AOAH: variants seen among roughly 807,000 people sequenced by gnomAD.
The protein encoded by AOAH is acyloxyacyl hydrolase (neutrophil).
AOAH carries 64 observed loss-of-function variants against 92.2 expected under a neutral mutation model. The ratio of observed to expected loss-of-function variants is 0.69; its 90% confidence interval spans 0.57 to 0.86. The LOEUF (loss-of-function observed/expected upper bound fraction) is 0.86, where lower values mean the gene tolerates loss of function less well. AOAH is among the 40% of genes least tolerant of loss of function. The pLI is 0.00. For synonymous variants in AOAH, 263 were observed against 254.5 expected, an observed-to-expected ratio of 1.03 and a Z score of -0.32; for missense variants, 656 against 694.6, an observed-to-expected ratio of 0.94 and a Z score of 0.62.
intron 12 of AOAH, among the ~76,000 whole-genome samples, chr7:36,580,829 G>A (rs1011207714): frequency 2.6e-5 from 4 of 152,168 alleles, no homozygotes; most frequent in Non-Finnish European, 4.4e-5. Context: ...CTCTTGGGCT[G>A]TTCAGATTCC....
intron 1 of AOAH, among the ~76,000 whole-genome samples, chr7:36,690,346 C>T (rs6462691): frequency 0.56 from 85,147 of 151,960 alleles, 24,244 homozygotes; most frequent in East Asian, 0.83. Flanking sequence ...TCATGAACAC[C>T]CAGGTTGGGC....
intron 1 of AOAH, among the ~76,000 whole-genome samples, chr7:36,693,135 G>T (rs1797511453): frequency 1.3e-5 from 2 of 152,212 alleles, no homozygotes; most frequent in South Asian, 4.1e-4. Context: ...TAGGCTTCAA[G>T]AAGTAGTCTA....
chr7:36,699,993 C>A (rs1412434602), intron 1 of AOAH, among the ~76,000 whole-genome samples: 2 of 151,936 alleles, frequency 1.3e-5, no homozygotes, highest in African/African-American at 4.8e-5. Flanking sequence ...AGACAAGGGT[C>A]TAGTCTCATT....
intron 13 of AOAH, among the ~76,000 whole-genome samples, chr7:36,561,454 T>G (rs984588715): frequency 6.6e-6 from 1 of 152,178 alleles, no homozygotes; most frequent in African/African-American, 2.4e-5. Context: ...TTCATAACAC[T>G]GAGTCCTCAG....
intron 4 of AOAH, among the ~76,000 whole-genome samples, chr7:36,656,879 G>GC (rs1562665486): frequency 4.0e-5 from 6 of 148,258 alleles, no homozygotes; most frequent in Middle Eastern, 3.4e-3. Flanking sequence ...AAGAGGTTTG[G>GC]TGGGGGGTGT....
chr7:36,548,729 A>G, intron 14 of AOAH, 43 bp from the exon 15 acceptor site: 1 of 1,570,722 alleles, frequency 6.4e-7, no homozygotes. Flanking sequence ...ATACTTGGAA[A>G]CCTAGCTTTG....
chr7:36,514,639 G>T, intron 20 of AOAH: 1 of 1,303,256 alleles, frequency 7.7e-7, no homozygotes, highest in Non-Finnish European at 1.1e-6. Flanking sequence ...CAGGCCTGCA[G>T]ACTCCAGATG....
At chr7:36,581,157 C>G (rs2392448) in intron 12 of AOAH, among the ~76,000 whole-genome samples, 67,781 of 151,904 alleles carry the variant, frequency 0.45, 15,509 homozygotes, top group Admixed American at 0.54. Context: ...TGCATTTCTA[C>G]AGCTCCCACA....
At chr7:36,652,466 C>A (rs374464281) in intron 4 of AOAH, among the ~76,000 whole-genome samples, 2 of 151,190 alleles carry the variant, frequency 1.3e-5, no homozygotes, top group Non-Finnish European at 3.0e-5. Flanking sequence ...GGAGCAGGGG[C>A]TTGGTCCTCC....
At chr7:36,518,139 C>A (rs1278056368) in intron 20 of AOAH, among the ~76,000 whole-genome samples, 1 of 152,092 alleles carries the variant, frequency 6.6e-6, no homozygotes, top group Non-Finnish European at 1.5e-5. Context: ...ATCCTATATA[C>A]TTTGCTGTAC....
chr7:36,719,283 G>A (rs140252758), intron 1 of AOAH, among the ~76,000 whole-genome samples: 1 of 152,154 alleles, frequency 6.6e-6, no homozygotes, highest in Admixed American at 6.5e-5. Flanking sequence ...AAGAGCACTT[G>A]GCTGTAGTGA....
chr7:36,566,359 C>CT (rs11363143), intron 13 of AOAH, among the ~76,000 whole-genome samples: 5,997 of 120,620 alleles, frequency 0.05, 228 homozygotes, highest in South Asian at 0.09. Flanking sequence ...TCATCCTTAA[C>CT]TTTTTTTTTT....
intron 1 of AOAH, among the ~76,000 whole-genome samples, chr7:36,710,812 T>C (rs1283418472): frequency 6.6e-6 from 1 of 152,224 alleles, no homozygotes; most frequent in African/African-American, 2.4e-5. Flanking sequence ...TCACAACTTC[T>C]GGAGCACAGT....
intron 3 of AOAH, chr7:36,661,420 A>C (rs1795208224): frequency 6.6e-6 from 1 of 152,204 alleles, no homozygotes; most frequent in African/African-American, 2.4e-5. Flanking sequence ...ACGTGCAGTG[A>C]GGAAGCTGGA....
chr7:36,553,497 T>C (rs941195647), intron 13 of AOAH, among the ~76,000 whole-genome samples: 38 of 151,882 alleles, frequency 2.5e-4, no homozygotes, highest in Non-Finnish European at 3.8e-4. Context: ...TTTGGATGTA[T>C]ACCCAGTAAT....
chr7:36,541,741 G>A (rs1441348440), intron 15 of AOAH, among the ~76,000 whole-genome samples: 1 of 152,222 alleles, frequency 6.6e-6, no homozygotes, highest in African/African-American at 2.4e-5. Flanking sequence ...TAAAAGGCAA[G>A]GGGTGCTAAA....
intron 5 of AOAH, among the ~76,000 whole-genome samples, chr7:36,635,248 G>T (rs1005565027): frequency 1.3e-5 from 2 of 152,166 alleles, no homozygotes; most frequent in Admixed American, 6.5e-5. Context: ...TCAAATCAGG[G>T]CTGTCCCTGG....
chr7:36,593,582 T>C lies in AOAH; in HGVS notation c.938+757A>G, dbSNP rs181929833. Among the ~76,000 whole-genome samples the C allele has an allele frequency of 2.6e-5, 4 of 152,358 alleles. No homozygotes were observed. In the East Asian group the frequency reaches 5.8e-4, roughly 22 times the overall value. On this transcript the variant is annotated intron_variant, in intron 12 of 20. Transcript: ENST00000617537. The stretch of plus-strand genomic sequence containing the variant: ...CAAAGCTCTACCCTTTCTTCTTTTT[T>C]ACACATGGAAGCCATTCATTTGCCA...
intron 4 of AOAH, among the ~76,000 whole-genome samples, chr7:36,657,446 G>A (rs1794957729): frequency 6.6e-6 from 1 of 152,206 alleles, no homozygotes; most frequent in Non-Finnish European, 1.5e-5. Context: ...TGGGCCCAAA[G>A]TGAGTGCCCA....
Sources: allele counts gnomAD v4.1 joint callset (sites outside exome capture counted in the v4.1 genomes callset), GRCh38; gene constraint gnomAD v4.1.1; transcripts MANE v1.5; gene names NCBI Gene and HGNC (gene_info 2026-07-23, HGNC 2026-07-21).